Variants in PIK3C2G observed in about 807,000 individuals in gnomAD.
PIK3C2G encodes phosphatidylinositol 3-kinase C2 domain-containing subunit gamma.
In PIK3C2G, 168 loss-of-function variants were observed where a neutral mutation model predicts 181.1. The observed-to-expected ratio is 0.93, with a 90% confidence interval of 0.82 to 1.05. The LOEUF is 1.05. Ranked by LOEUF, PIK3C2G falls within the 50% of genes least tolerant of loss-of-function variation. PIK3C2G has a pLI of 0.00. For synonymous variants in PIK3C2G, 573 were observed against 592.2 expected (o/e 0.97, Z 0.47); for missense variants, 1,869 against 1,732.8 (o/e 1.08, Z -1.40).
At chr12:18,363,710 G>A (rs1169825058) in intron 12 of PIK3C2G, among the ~76,000 whole-genome samples, 1 of 151,890 alleles carries the variant, frequency 6.6e-6, no homozygotes, top group Non-Finnish European at 1.5e-5. Context: ...TTTGACTCCC[G>A]GTATGATGCT....
chr12:18,693,791 C>T, the PIK3C2G span: 1 of 1,513,614 alleles, frequency 6.6e-7, no homozygotes, highest in Non-Finnish European at 9.2e-7. Flanking sequence ...AACTTTGGAT[C>T]CAGCGCTTAT....
Position 18,285,998 on chromosome 12 carries a change from AAC to A in PIK3C2G, c.679-847_679-846del, listed in dbSNP as rs1387040669. Among the ~76,000 whole-genome samples, 4 of 152,106 alleles carry A rather than the reference AAC, an allele frequency of 2.6e-5. No homozygotes were observed. In the South Asian group the frequency reaches 8.3e-4, roughly 31 times the overall value. ...TTGAAAGTAAAATAAACAAAAAGAC[AAC>A]ATTCAATCAGAAAAAAATGCTTGTA... On this transcript the variant is annotated intron_variant, in intron 2 of 32. Coordinates refer to ENST00000538779, the MANE Select transcript of PIK3C2G (RefSeq NM_001288772.2).
At chr12:18,608,634 C>A (rs2136589168) in intron 30 of PIK3C2G, among the ~76,000 whole-genome samples, 1 of 151,870 alleles carries the variant, frequency 6.6e-6, no homozygotes, top group Non-Finnish European at 1.5e-5. Flanking sequence ...GTGCAGCACA[C>A]CAACATGGCA....
intron 18 of PIK3C2G, among the ~76,000 whole-genome samples, chr12:18,426,962 T>C (rs1176414004): frequency 6.6e-6 from 1 of 152,210 alleles, no homozygotes; most frequent in South Asian, 2.1e-4. Flanking sequence ...TGAAGTCTTA[T>C]TTTCTTCAGT....
chr12:18,292,227 A>ATATATATATATATAT (rs1555149103), intron 4 of PIK3C2G, among the ~76,000 whole-genome samples: 37 of 48,598 alleles, frequency 7.6e-4, no homozygotes, highest in East Asian at 1.4e-3. Flanking sequence ...AAAAAAAAAA[A>ATATATATATATATAT]ATATATATAT....
chr12:18,399,885 G>A, intron 16 of PIK3C2G, 38 bp downstream of exon 16: 1 of 1,363,826 alleles, frequency 7.3e-7, no homozygotes. Flanking sequence ...TACTGACTGA[G>A]AAGAACTTGC....
chr12:18,702,208 A>G, the PIK3C2G span, among the ~76,000 whole-genome samples: 2 of 152,226 alleles, frequency 1.3e-5, no homozygotes, highest in Admixed American at 6.5e-5. Flanking sequence ...AATGTCTATC[A>G]TAAGTGTCTG....
intron 22 of PIK3C2G, 45 bp downstream of exon 22, chr12:18,497,793 A>G (rs143950071): frequency 1.4e-6 from 2 of 1,457,718 alleles, no homozygotes; most frequent in East Asian, 2.5e-5. Context: ...TATTTATTTC[A>G]CACATTCACT....
chr12:18,325,474 C>T lies in PIK3C2G; in HGVS notation c.1272+376C>T, dbSNP rs188364897. On this transcript the variant is annotated intron_variant, in intron 8 of 32. Transcript: ENST00000538779. ...CATGAACAGAGGCACTTTGGGAGTC[C>T]GAGGTGTGCAGATCACGAGGTCAAG... is the stretch of plus-strand genomic sequence containing the variant. 1.6e-4 allele frequency among the ~76,000 whole-genome samples: 24 copies of T among 151,958 alleles called. No individual in the cohort carries two copies. In the East Asian group the frequency reaches 2.3e-3, roughly 15 times the overall value.
chr12:18,377,143 A>C (rs1180389058), intron 13 of PIK3C2G, among the ~76,000 whole-genome samples: 1 of 152,094 alleles, frequency 6.6e-6, no homozygotes, highest in African/African-American at 2.4e-5. Context: ...CCAGCTACAG[A>C]TTCTTTGGCT....
intron 18 of PIK3C2G, among the ~76,000 whole-genome samples, chr12:18,426,112 A>G (rs906663112): frequency 1.3e-5 from 2 of 152,180 alleles, no homozygotes; most frequent in African/African-American, 4.8e-5. Flanking sequence ...GACCTTTATC[A>G]TATTATTCAT....
intron 12 of PIK3C2G, among the ~76,000 whole-genome samples, chr12:18,366,604 T>C (rs1199664547): frequency 6.6e-6 from 1 of 152,170 alleles, no homozygotes; most frequent in Admixed American, 6.5e-5. Flanking sequence ...AAGCTTACTC[T>C]GGTCTTAGCA....
At chr12:18,559,857 G>GAGAA (rs1565507875) in intron 26 of PIK3C2G, among the ~76,000 whole-genome samples, 1 of 130,104 alleles carries the variant, frequency 7.7e-6, no homozygotes. Context: ...GAGAGAGAGA[G>GAGAA]AGAGAGAGAC....
chr12:18,589,622 C>A (rs73066288), intron 29 of PIK3C2G, among the ~76,000 whole-genome samples: 1 of 151,924 alleles, frequency 6.6e-6, no homozygotes, highest in Non-Finnish European at 1.5e-5. Flanking sequence ...AAAGAGGATG[C>A]CTACCCCACC....
the PIK3C2G span, among the ~76,000 whole-genome samples, chr12:18,660,072 C>G: frequency 3.9e-5 from 6 of 152,152 alleles, no homozygotes; most frequent in Non-Finnish European, 7.3e-5. Context: ...AACAATTACA[C>G]TGACATAATC....
rs1465174887 is a variant in PIK3C2G, at chr12:18,282,045, G to C, written c.-37G>C. ...TTTTGTATTATCAAGGAGATATTTG[G>C]AGCAGAGTCAACCCTCTCAGTTACA... On this transcript the variant is annotated 5_prime_UTR_variant, in exon 2 of 33. Transcript: ENST00000538779. 1 of 1,204,778 alleles carries C rather than the reference G, an allele frequency of 8.3e-7. No homozygotes were observed. The highest frequency in any genetic ancestry group is 1.4e-5 in the South Asian group (1 of 70,246). The allele number at this position is 1,204,778 out of a possible 1,614,324, so 74.6% of individuals were successfully genotyped here. A position where few individuals can be genotyped will look rare whatever the true frequency, so the allele number is the denominator to read the frequency against.
At chr12:18,552,985 G>A (rs1430126532) in intron 26 of PIK3C2G, among the ~76,000 whole-genome samples, 1 of 152,010 alleles carries the variant, frequency 6.6e-6, no homozygotes. Flanking sequence ...TACCCACCAA[G>A]AGTACCAGAA....
intron 5 of PIK3C2G, among the ~76,000 whole-genome samples, chr12:18,306,134 G>A (rs1231656578): frequency 1.3e-5 from 2 of 152,000 alleles, no homozygotes; most frequent in African/African-American, 2.4e-5. Flanking sequence ...CTATATGTAC[G>A]AAGAAAAATA....
chr12:18,503,147 C>G (rs919980740), intron 22 of PIK3C2G, 134 bp from the exon 23 acceptor site: 21 of 533,888 alleles, frequency 3.9e-5, no homozygotes, highest in Non-Finnish European at 6.3e-5. Context: ...CTAGATAAGC[C>G]TCCTCCAGAA....
Sources: gnomAD v4.1 joint callset for allele counts (sites outside exome capture counted in the v4.1 genomes callset) on GRCh38, gnomAD v4.1.1 for gene constraint, MANE v1.5 for transcripts, NCBI Gene and HGNC (gene_info 2026-07-23, HGNC 2026-07-21) for gene names.